The following CDK7 variants were observed in gnomAD, a reference collection of about 807,000 sequenced individuals.
The protein encoded by CDK7 is cyclin-dependent kinase 7.
A neutral mutation model predicts 49.1 loss-of-function variants in CDK7; 25 were observed. That is an observed-to-expected ratio of 0.51 (90% CI 0.37 to 0.71). CDK7 has a LOEUF of 0.71. CDK7 is among the 30% of genes least tolerant of loss of function. The pLI, the probability that CDK7 is intolerant of heterozygous loss-of-function variation, is 0.00. For missense variants in CDK7, 316 were observed against 411.7 expected, an observed-to-expected ratio of 0.77 and a Z score of 2.01; for synonymous variants, 107 against 140.0, an observed-to-expected ratio of 0.76 and a Z score of 1.67.
chr5:69,252,526 A>G (rs1015421106), intron 3 of CDK7, 75 bp downstream of exon 3: 2 of 769,950 alleles, frequency 2.6e-6, no homozygotes, highest in Non-Finnish European at 4.0e-6. Context: ...TTTTTTTTTA[A>G]AAAGACAGGG....
chr5:69,236,284 G>C (rs1034611501), intron 2 of CDK7, among the ~76,000 whole-genome samples: 34 of 150,642 alleles, frequency 2.3e-4, no homozygotes, highest in Middle Eastern at 3.2e-3. Context: ...CATAACTCAC[G>C]TTCACCTACA....
intron 9 of CDK7, among the ~76,000 whole-genome samples, chr5:69,269,815 G>A (rs960427339): frequency 3.6e-4 from 55 of 150,844 alleles, no homozygotes; most frequent in Non-Finnish European, 1.6e-4. Context: ...CAAACTCCTC[G>A]TCTCAAGCAG....
intron 2 of CDK7, among the ~76,000 whole-genome samples, chr5:69,245,812 T>C (rs1323974170): frequency 6.6e-6 from 1 of 152,226 alleles, no homozygotes; most frequent in Admixed American, 6.5e-5. Flanking sequence ...ATCTGTTTCT[T>C]CTAGGTTTTC....
At chr5:69,255,367 A>T in intron 4 of CDK7, 93 bp from the exon 5 acceptor site, 1 of 690,808 alleles carries the variant, frequency 1.4e-6, no homozygotes, top group Non-Finnish European at 2.5e-6. Flanking sequence ...CCAACAGTTT[A>T]AATGCTTTTT....
chr5:69,237,810 G>A lies in CDK7; in HGVS notation c.126+2357G>A, dbSNP rs562728513. On this transcript the variant is annotated intron_variant, in intron 2 of 11. Transcript: ENST00000256443. The stretch of plus-strand genomic sequence containing the variant: ...CTACTAAAATACAAAAATTAGCCAG[G>A]CATGGTGCCCCTGCTAGTCTCCTGG... Among the ~76,000 whole-genome samples the A allele has an allele frequency of 3.3e-5, 5 of 152,244 alleles. No individual in the cohort carries two copies. The South Asian group carries it at 6.2e-4, about 19-fold the overall frequency.
intron 4 of CDK7, among the ~76,000 whole-genome samples, chr5:69,255,103 C>T (rs998838478): frequency 6.6e-6 from 1 of 152,026 alleles, no homozygotes; most frequent in African/African-American, 2.4e-5. Context: ...TTCATTCATT[C>T]AATGATAGCT....
rs552248900 is a variant in CDK7 at position 69,268,117 on chromosome 5, C to T, written c.628-1090C>T. 8.5e-5 allele frequency among the ~76,000 whole-genome samples: 13 copies of T among 152,254 alleles called. No individual in the cohort carries two copies. In the East Asian group the frequency reaches 1.2e-3, roughly 14 times the overall value. ...CTGGGACTACAGGCATGCACCACCA[C>T]GCCTGGCTGATTTTTCTATGTTTGG... is the stretch of plus-strand genomic sequence containing the variant. On this transcript the variant is annotated intron_variant, in intron 8 of 11. Transcript: ENST00000256443.
intron 2 of CDK7, among the ~76,000 whole-genome samples, chr5:69,238,384 A>G (rs1009205041): frequency 1.3e-5 from 2 of 150,520 alleles, no homozygotes; most frequent in African/African-American, 4.9e-5. Context: ...TCCTGGTCTC[A>G]AGCATTCCAT....
intron 2 of CDK7, among the ~76,000 whole-genome samples, chr5:69,245,737 GGC>G (rs1418260678): frequency 1.3e-5 from 2 of 151,972 alleles, no homozygotes; most frequent in Non-Finnish European, 2.9e-5. Flanking sequence ...ACTTGTTACT[GGC>G]CTGTTTAGGT....
chr5:69,236,627 A>G (rs1027770116), intron 2 of CDK7, among the ~76,000 whole-genome samples: 3 of 151,830 alleles, frequency 2.0e-5, no homozygotes, highest in East Asian at 1.9e-4. Flanking sequence ...TATTCCTGCC[A>G]TAATTTTTTT....
intron 5 of CDK7, among the ~76,000 whole-genome samples, chr5:69,256,864 A>T (rs1466018161): frequency 6.7e-6 from 1 of 149,386 alleles, no homozygotes; most frequent in Non-Finnish European, 1.5e-5. Flanking sequence ...TCGAAAAAAG[A>T]AAAAAAAAAG....
At chr5:69,268,936 G>T (rs1390216068) in intron 8 of CDK7, among the ~76,000 whole-genome samples, 1 of 149,554 alleles carries the variant, frequency 6.7e-6, no homozygotes, top group East Asian at 2.0e-4. Flanking sequence ...TGAGGTCAGG[G>T]CTTCGAGACC....
At chr5:69,235,756 T>C (rs1171204226) in intron 2 of CDK7, among the ~76,000 whole-genome samples, 1 of 152,260 alleles carries the variant, frequency 6.6e-6, no homozygotes, top group Admixed American at 6.5e-5. Flanking sequence ...ATGATCTTTC[T>C]AGGTCACTGT....
intron 8 of CDK7, among the ~76,000 whole-genome samples, chr5:69,265,271 TA>T (rs11346593): frequency 9.0e-4 from 74 of 82,262 alleles, no homozygotes; most frequent in African/African-American, 1.8e-3. Flanking sequence ...TCTCAAAAAA[TA>T]AAAAAAAAAA....
At chr5:69,276,467 A>G in intron 10 of CDK7, 76 bp from the exon 11 acceptor site, 2 of 1,332,048 alleles carry the variant, frequency 1.5e-6, no homozygotes, top group South Asian at 1.2e-5. Context: ...GCTCCCTATA[A>G]TCTTGAAGGT....
intron 8 of CDK7, among the ~76,000 whole-genome samples, chr5:69,267,012 G>A (rs1039501747): frequency 6.6e-6 from 1 of 152,044 alleles, no homozygotes; most frequent in Non-Finnish European, 1.5e-5. Flanking sequence ...TTTTAACAAG[G>A]TTCATGTATT....
chr5:69,245,075 T>G lies in CDK7; in HGVS notation c.127-7343T>G, dbSNP rs112535770. Among the ~76,000 whole-genome samples, 26 of 152,232 alleles carry G rather than the reference T, an allele frequency of 1.7e-4. 2 individuals are homozygous for G. The highest frequency in any genetic ancestry group is 5.3e-4 in the African/African-American group (22 of 41,536). ...TCTTTTTACGTATTGTTGAATTCAG[T>G]TTGCTAGTATTTTTTGAGGATTTTT... On this transcript the variant is annotated intron_variant, in intron 2 of 11. Coordinates refer to ENST00000256443, the MANE Select transcript of CDK7 (RefSeq NM_001799.4).
At chr5:69,269,101 C>T in intron 8 of CDK7, 106 bp from the exon 9 acceptor site, 3 of 659,478 alleles carry the variant, frequency 4.5e-6, no homozygotes, top group Non-Finnish European at 8.0e-6. Flanking sequence ...GATTGCATCA[C>T]TCACTGCAGC....
intron 2 of CDK7, among the ~76,000 whole-genome samples, chr5:69,237,144 G>A (rs2150178492): frequency 6.6e-6 from 1 of 151,914 alleles, no homozygotes; most frequent in Middle Eastern, 3.4e-3. Flanking sequence ...CCAGGTGGAA[G>A]GGTTAGAGTG....
Sources: gnomAD v4.1 joint callset for allele counts (sites outside exome capture counted in the v4.1 genomes callset) on GRCh38, gnomAD v4.1.1 for gene constraint, MANE v1.5 for transcripts, NCBI Gene and HGNC (gene_info 2026-07-23, HGNC 2026-07-21) for gene names.